DCC: variants seen among roughly 807,000 people sequenced by gnomAD.
DCC encodes the protein netrin receptor DCC.
A neutral mutation model predicts 172.5 loss-of-function variants in DCC; 58 were observed. The observed-to-expected ratio is 0.34, with a 90% confidence interval of 0.27 to 0.42. The LOEUF is 0.42. Ranked by LOEUF, DCC falls within the 10% of genes least tolerant of loss-of-function variation. The pLI, the probability that DCC is intolerant of heterozygous loss-of-function variation, is 1.00. For missense variants in DCC, 1,740 were observed against 1,791.0 expected (o/e 0.97, Z 0.51); for synonymous variants, 709 against 644.5 (o/e 1.10, Z -1.52).
At chr18:53,057,190 T>TTGA (rs2042419832) in intron 5 of DCC, among the ~76,000 whole-genome samples, 1 of 151,874 alleles carries the variant, frequency 6.6e-6, no homozygotes, top group South Asian at 2.1e-4. Context: ...ATTTAAGCTG[T>TTGA]TGATGATGAC....
chr18:52,779,804 C>G (rs1378710147), intron 2 of DCC, among the ~76,000 whole-genome samples: 1 of 152,198 alleles, frequency 6.6e-6, no homozygotes, highest in Non-Finnish European at 1.5e-5. Flanking sequence ...TTCATATCCT[C>G]TCCAGCATCT....
intron 2 of DCC, among the ~76,000 whole-genome samples, chr18:52,780,979 AAAAG>A (rs1488334356): frequency 8.5e-5 from 13 of 152,192 alleles, no homozygotes; most frequent in African/African-American, 3.1e-4. Context: ...ATTTCTACAC[AAAAG>A]ACAGATTAAC....
chr18:53,072,631 G>A (rs2042670731), intron 7 of DCC, among the ~76,000 whole-genome samples: 1 of 152,140 alleles, frequency 6.6e-6, no homozygotes, highest in African/African-American at 2.4e-5. Flanking sequence ...AAGTTGCCAT[G>A]GGAAGAAATA....
At chr18:52,515,904 G>GA (rs775250696) in intron 1 of DCC, among the ~76,000 whole-genome samples, 4 of 46,766 alleles carry the variant, frequency 8.6e-5, no homozygotes, top group Admixed American at 4.3e-4. Flanking sequence ...CTAAACAATA[G>GA]AAAAAAAATC....
chr18:53,383,119 T>C (rs1045312672), intron 15 of DCC, among the ~76,000 whole-genome samples: 2 of 152,132 alleles, frequency 1.3e-5, no homozygotes, highest in African/African-American at 2.4e-5. Flanking sequence ...TCAGACTAAG[T>C]AGGTTTGATC....
intron 5 of DCC, among the ~76,000 whole-genome samples, chr18:52,949,879 G>A (rs2040608010): frequency 6.6e-6 from 1 of 152,082 alleles, no homozygotes. Context: ...AACCTCTTTA[G>A]TCTCAATTTG....
chr18:52,931,606 G>A (rs2040307679), intron 5 of DCC, among the ~76,000 whole-genome samples: 1 of 151,992 alleles, frequency 6.6e-6, no homozygotes, highest in Non-Finnish European at 1.5e-5. Context: ...ATAATTTGAA[G>A]CTTAGCATTT....
intron 3 of DCC, among the ~76,000 whole-genome samples, chr18:52,917,364 G>C (rs1004933016): frequency 6.6e-6 from 1 of 152,014 alleles, no homozygotes; most frequent in Non-Finnish European, 1.5e-5. Flanking sequence ...TTAAAAATCT[G>C]TTTTGATTTT....
chr18:52,777,219 C>T (rs1599099381), intron 2 of DCC, among the ~76,000 whole-genome samples: 1 of 152,142 alleles, frequency 6.6e-6, no homozygotes, highest in Non-Finnish European at 1.5e-5. Context: ...CCATAACAAA[C>T]TGGATGGCTG....
chr18:52,945,300 G>A lies in DCC; in HGVS notation c.985+19930G>A, dbSNP rs1249358558. ...ATGATCTTTATAGAAAGGTAAATGTGTTATGTTTCTTCTAAACACATTTTT... is the reference window on the plus strand; with the variant it reads ...ATGATCTTTATAGAAAGGTAAATGTATTATGTTTCTTCTAAACACATTTTT... On this transcript the variant is annotated intron_variant, in intron 5 of 28. Coordinates refer to ENST00000442544, the MANE Select transcript of DCC (RefSeq NM_005215.4). Among the ~76,000 whole-genome samples the A allele has an allele frequency of 2.0e-5, 3 of 152,150 alleles. No individual in the cohort carries two copies. The East Asian group carries it at 5.8e-4, about 29-fold the overall frequency.
At chr18:52,898,698 T>C (rs1483262030) in intron 2 of DCC, among the ~76,000 whole-genome samples, 4 of 111,402 alleles carry the variant, frequency 3.6e-5, no homozygotes, top group Non-Finnish European at 8.3e-5. Context: ...ATTTTTTACC[T>C]CATTTTTTTT....
chr18:53,328,541 C>T (rs1394467), intron 14 of DCC, among the ~76,000 whole-genome samples: 151,638 of 152,120 alleles, frequency 1, 75,580 homozygotes, highest in Middle Eastern at 1. Flanking sequence ...GTTGTTGTTG[C>T]TGCTGCTGTT....
chr18:53,142,461 G>T (rs2043845235), intron 7 of DCC, among the ~76,000 whole-genome samples: 1 of 152,076 alleles, frequency 6.6e-6, no homozygotes, highest in South Asian at 2.1e-4. Flanking sequence ...AACAAATGAT[G>T]CACTCCTAAT....
At chr18:53,242,429 A>G (rs916735659) in intron 12 of DCC, among the ~76,000 whole-genome samples, 1 of 152,166 alleles carries the variant, frequency 6.6e-6, no homozygotes, top group African/African-American at 2.4e-5. Flanking sequence ...TATTTGTTCA[A>G]TCGATATCTG....
chr18:52,800,431 G>C (rs949388872), intron 2 of DCC, among the ~76,000 whole-genome samples: 1 of 152,202 alleles, frequency 6.6e-6, no homozygotes. Flanking sequence ...TTTCCAGTGA[G>C]ATTTGAGCAG....
intron 5 of DCC, among the ~76,000 whole-genome samples, chr18:53,005,585 G>A (rs1020291872): frequency 5.3e-5 from 8 of 152,026 alleles, no homozygotes; most frequent in African/African-American, 1.2e-4. Flanking sequence ...AAAATTAGCC[G>A]GGCAAAGTGG....
chr18:52,701,538 T>A (rs1427650866), intron 1 of DCC, among the ~76,000 whole-genome samples: 1 of 152,230 alleles, frequency 6.6e-6, no homozygotes, highest in East Asian at 1.9e-4. Flanking sequence ...CCAGGTTTCA[T>A]GTTTTCTCTA....
intron 1 of DCC, among the ~76,000 whole-genome samples, chr18:52,576,189 C>T (rs1229583302): frequency 3.9e-5 from 6 of 152,272 alleles, no homozygotes; most frequent in Non-Finnish European, 5.9e-5. Context: ...CTTTGCTAGA[C>T]GCCATTACAG....
chr18:52,485,509 A>C (rs976930915), intron 1 of DCC, among the ~76,000 whole-genome samples: 2 of 152,068 alleles, frequency 1.3e-5, no homozygotes, highest in African/African-American at 4.8e-5. Flanking sequence ...CTAGCAGATA[A>C]ATTGTGTTAT....
Sources: gnomAD v4.1 joint callset for allele counts (sites outside exome capture counted in the v4.1 genomes callset) on GRCh38, gnomAD v4.1.1 for gene constraint, MANE v1.5 for transcripts, NCBI Gene and HGNC (gene_info 2026-07-23, HGNC 2026-07-21) for gene names.